CACNA2D3: variants seen among roughly 807,000 people sequenced by gnomAD.
CACNA2D3 encodes calcium voltage-gated channel auxiliary subunit alpha2delta 3.
A neutral mutation model predicts 160.6 loss-of-function variants in CACNA2D3; 60 were observed. The observed-to-expected ratio is 0.37, with a 90% CI of 0.30 to 0.46. The LOEUF is 0.46. Ranked by LOEUF, CACNA2D3 falls within the 20% of genes least tolerant of loss-of-function variation. The pLI, the probability that CACNA2D3 is intolerant of heterozygous loss-of-function variation, is 1.00. For synonymous variants in CACNA2D3, 558 were observed against 492.9 expected, an observed-to-expected ratio of 1.13 and a Z score of -1.75; for missense variants, 1,205 against 1,365.0, an observed-to-expected ratio of 0.88 and a Z score of 1.85.
In CACNA2D3 at chr3:54,871,797, C is replaced by T. The variant is rs549316602; in HGVS notation, c.1710+175C>T. ...GTGTGGAGTTTTATAACTCTTCAGC[C>T]GGTCAGTCGGACCAGTTGCAGACAG... is the stretch of plus-strand genomic sequence containing the variant. On this transcript the variant is annotated intron_variant, in intron 18 of 37. Coordinates refer to ENST00000474759, the MANE Select transcript of CACNA2D3 (RefSeq NM_018398.3). Among the ~76,000 whole-genome samples the T allele has an allele frequency of 9.9e-5, 15 of 152,238 alleles. No individual in the cohort carries two copies. The East Asian group carries it at 1.9e-3, about 20-fold the overall frequency.
At chr3:54,131,738 A>T (rs971381648) in intron 2 of CACNA2D3, among the ~76,000 whole-genome samples, 10 of 151,772 alleles carry the variant, frequency 6.6e-5, no homozygotes, top group African/African-American at 2.4e-4. Context: ...TGCATTTATT[A>T]TGTCCCTAGG....
intron 11 of CACNA2D3, among the ~76,000 whole-genome samples, chr3:54,733,779 C>T (rs1430145302): frequency 2.0e-5 from 3 of 152,180 alleles, no homozygotes; most frequent in Admixed American, 6.5e-5. Context: ...AATTGTAGCA[C>T]TGACTACCCT....
intron 11 of CACNA2D3, among the ~76,000 whole-genome samples, chr3:54,705,609 T>G (rs532618673): frequency 7.4e-4 from 113 of 152,348 alleles, no homozygotes; most frequent in Non-Finnish European, 1.4e-3. Context: ...TCAATATTTT[T>G]AATGAGTATT....
chr3:54,763,755 A>ATG lies in CACNA2D3; in HGVS notation c.1247-462_1247-461insGT, dbSNP rs1262688128. ...TATATGTGTATATATGTGCATATAT[A>ATG]TACACATATATATGTATATATGTAC... is the stretch of plus-strand genomic sequence containing the variant. On this transcript the variant is annotated intron_variant, in intron 12 of 37. Coordinates refer to ENST00000474759, the MANE Select transcript of CACNA2D3 (RefSeq NM_018398.3). Among the ~76,000 whole-genome samples, 28 of 49,608 alleles carry ATG rather than the reference A, an allele frequency of 5.6e-4. 2 individuals carry two copies. The highest frequency in any genetic ancestry group is 1.2e-3 in the Non-Finnish European group (25 of 20,970). The allele number at this position is 49,608 out of a possible 152,430, so 32.5% of individuals were successfully genotyped here.
intron 31 of CACNA2D3, among the ~76,000 whole-genome samples, chr3:54,989,097 C>G (rs1702681713): frequency 6.6e-6 from 1 of 152,220 alleles, no homozygotes; most frequent in Admixed American, 6.5e-5. Context: ...CTGACTTTTC[C>G]TATCTTTATG....
intron 5 of CACNA2D3, among the ~76,000 whole-genome samples, chr3:54,548,537 G>A (rs1348308171): frequency 6.6e-6 from 1 of 152,060 alleles, no homozygotes; most frequent in Non-Finnish European, 1.5e-5. Flanking sequence ...CAAATTAAGG[G>A]GCAGATGCTC....
chr3:54,979,149 TG>T lies in CACNA2D3; in HGVS notation c.2557-5458del, dbSNP rs976892606. Among the ~76,000 whole-genome samples, 4 of 152,338 alleles carry T rather than the reference TG, an allele frequency of 2.6e-5. No individual in the cohort carries two copies. The South Asian group carries it at 8.3e-4, about 32-fold the overall frequency. ...TGAGTTGAGTAAATTCTTCTCCTCT[TG>T]AGGTCCCAAAATAACTTGGGGCTCC... On this transcript the variant is annotated intron_variant, in intron 29 of 37. Coordinates refer to ENST00000474759, the MANE Select transcript of CACNA2D3 (RefSeq NM_018398.3).
intron 14 of CACNA2D3, among the ~76,000 whole-genome samples, chr3:54,819,477 G>T (rs1215063730): frequency 6.6e-6 from 1 of 152,076 alleles, no homozygotes; most frequent in African/African-American, 2.4e-5. Context: ...TTGTGATTCT[G>T]ACTCAAGCCT....
chr3:54,439,689 G>C (rs763864988), intron 4 of CACNA2D3, among the ~76,000 whole-genome samples: 1 of 152,174 alleles, frequency 6.6e-6, no homozygotes, highest in African/African-American at 2.4e-5. Flanking sequence ...GGACAGGCTT[G>C]TGTCATAAAG....
chr3:54,329,156 G>A lies in CACNA2D3; in HGVS notation c.321+8598G>A, dbSNP rs137923523. ...TGACCATCTTTTTACATGTGTATTAGCCATTTCTTCTTCATTTTTATTTTT... is the reference window on the plus strand; with the variant it reads ...TGACCATCTTTTTACATGTGTATTAACCATTTCTTCTTCATTTTTATTTTT... On this transcript the variant is annotated intron_variant, in intron 3 of 37. Coordinates refer to ENST00000474759, the MANE Select transcript of CACNA2D3 (RefSeq NM_018398.3). 1.0e-3 allele frequency among the ~76,000 whole-genome samples: 152 copies of A among 152,292 alleles called. 1 individual carries two copies. Among genetic ancestry groups the A allele is most frequent in the African/African-American group, 3.4e-3 (141 of 41,568 alleles).
Position 54,808,876 on chromosome 3 carries a change from T to G in CACNA2D3, c.1381-7977T>G, listed in dbSNP as rs541849297. Among the ~76,000 whole-genome samples, 52 of 152,304 alleles carry G rather than the reference T, an allele frequency of 3.4e-4. No individual in the cohort carries two copies. The South Asian group carries it at 0.01, about 30-fold the overall frequency. ...TGTGGACCATGAGGTTGGTGATTAC[T>G]GTAACCTCTCATACGCTATCGGATT... On this transcript the variant is annotated intron_variant, in intron 13 of 37. Transcript: ENST00000474759.
chr3:54,754,566 A>G (rs1238502804), intron 12 of CACNA2D3, among the ~76,000 whole-genome samples: 1 of 152,036 alleles, frequency 6.6e-6, no homozygotes, highest in Admixed American at 6.5e-5. Flanking sequence ...TTTGACTCTT[A>G]TTTCATCTTG....
intron 11 of CACNA2D3, among the ~76,000 whole-genome samples, chr3:54,669,270 G>C (rs1248071647): frequency 6.6e-6 from 1 of 152,272 alleles, no homozygotes; most frequent in Admixed American, 6.5e-5. Context: ...TCCTGGGTTG[G>C]GGCCATGTCC....
At chr3:54,424,098 G>A (rs918019620) in intron 4 of CACNA2D3, among the ~76,000 whole-genome samples, 2 of 151,452 alleles carry the variant, frequency 1.3e-5, no homozygotes, top group African/African-American at 4.8e-5. Context: ...GGTAGTGTCT[G>A]TGTGTGTGTG....
At chr3:54,606,199 C>T (rs925126310) in intron 9 of CACNA2D3, among the ~76,000 whole-genome samples, 6 of 151,968 alleles carry the variant, frequency 3.9e-5, no homozygotes, top group Non-Finnish European at 7.4e-5. Flanking sequence ...CAATGCATTC[C>T]TCCTATTGGC....
At chr3:54,829,877 T>A (rs1350303284) in intron 14 of CACNA2D3, among the ~76,000 whole-genome samples, 4 of 144,966 alleles carry the variant, frequency 2.8e-5, no homozygotes, top group Non-Finnish European at 3.0e-5. Flanking sequence ...TTTCTTCTTC[T>A]TCTTCATCTT....
rs1033665664 is a variant in CACNA2D3, at chr3:54,377,022, A to C, written c.322-9693A>C. 3.3e-5 allele frequency among the ~76,000 whole-genome samples: 5 copies of C among 152,252 alleles called. No homozygotes were observed. In the South Asian group the frequency reaches 1.0e-3, roughly 32 times the overall value. On this transcript the variant is annotated intron_variant, in intron 3 of 37. Transcript: ENST00000474759. Reference sequence around the variant, plus strand: ...AGTGTTATTTCATTTTCGAGGAGAAAGAAAAATTTTCTTCCCTGGCCATAG... The same window carrying C: ...AGTGTTATTTCATTTTCGAGGAGAACGAAAAATTTTCTTCCCTGGCCATAG...
In CACNA2D3 at chr3:54,860,438, T is replaced by C. The variant is rs192924748; in HGVS notation, c.1627-11101T>C. Among the ~76,000 whole-genome samples, 145 of 152,286 alleles carry C rather than the reference T, an allele frequency of 9.5e-4. 1 individual carries two copies. Among genetic ancestry groups the C allele is most frequent in the Middle Eastern group, 3.4e-3 (1 of 294 alleles). The stretch of plus-strand genomic sequence containing the variant: ...TAGTAACTGGGAGGGGCTGGGACTT[T>C]TATCTGACTCCCAGGATTGCTGCAG... On this transcript the variant is annotated intron_variant, in intron 17 of 37. Transcript: ENST00000474759.
At chr3:54,712,193 T>G (rs1700964989) in intron 11 of CACNA2D3, among the ~76,000 whole-genome samples, 1 of 152,222 alleles carries the variant, frequency 6.6e-6, no homozygotes, top group South Asian at 2.1e-4. Flanking sequence ...ATTTCCTGTT[T>G]ATGTTGTAAC....
Sources: allele counts gnomAD v4.1 joint callset (sites outside exome capture counted in the v4.1 genomes callset), GRCh38; gene constraint gnomAD v4.1.1; transcripts MANE v1.5; gene names NCBI Gene and HGNC (gene_info 2026-07-23, HGNC 2026-07-21).